The following FGFR1 variants were observed in gnomAD, a reference collection of about 807,000 sequenced individuals.
The protein encoded by FGFR1 is fibroblast growth factor receptor 1.
Under a neutral mutation model 93.7 loss-of-function variants are expected in FGFR1, and 18 were observed. That is an observed-to-expected ratio of 0.19 (90% CI 0.13 to 0.28). The LOEUF (loss-of-function observed/expected upper bound fraction) is 0.28. Ranked by LOEUF, FGFR1 falls within the 10% of genes least tolerant of loss-of-function variation. The probability of loss-of-function intolerance (pLI) is 1.00; values close to 1 mark genes in which losing one functional copy is unlikely to be tolerated. For synonymous variants in FGFR1, 448 were observed against 429.3 expected, an observed-to-expected ratio of 1.04 and a Z score of -0.54; for missense variants, 731 against 1,080.4, an observed-to-expected ratio of 0.68 and a Z score of 4.53.
At chr8:38,425,009 A>G (rs1586296277) in intron 6 of FGFR1, among the ~76,000 whole-genome samples, 1 of 152,174 alleles carries the variant, frequency 6.6e-6, no homozygotes, top group East Asian at 1.9e-4. Flanking sequence ...TCCTCCTTAA[A>G]AAACCAGAGT....
intron 6 of FGFR1, among the ~76,000 whole-genome samples, chr8:38,425,616 T>C (rs1820479549): frequency 6.6e-6 from 1 of 152,232 alleles, no homozygotes; most frequent in African/African-American, 2.4e-5. Flanking sequence ...AGAGGCTCAA[T>C]GTTCTTCCCA....
At position 38,415,956 on chromosome 8, in the gene FGFR1, T is replaced by C. The variant is rs1271149897; in HGVS notation, c.1768A>G (p.Asn590Asp). The C allele has an allele frequency of 4.3e-6, 7 of 1,613,940 alleles. No homozygotes were observed. Among genetic ancestry groups the C allele is most frequent in the Non-Finnish European group, 5.9e-6 (7 of 1,180,020 alleles). ...GLEYCYNPSHNPEEQLSSKDL... is the reference protein window; with the variant it reads ...GLEYCYNPSHDPEEQLSSKDL... ...TTGGAGGAGAGCTGCTCCTCTGGGTTGTGGCTGGGGTTGTAGCAGTATTCC... is the reference window on the plus strand; with the variant it reads ...TTGGAGGAGAGCTGCTCCTCTGGGTCGTGGCTGGGGTTGTAGCAGTATTCC... The change falls in exon 13 of 18, where the codon AAC (asparagine) becomes GAC (aspartate). Residue 590 changes from asparagine (N) to aspartate (D), a missense_variant. By Grantham distance (23) the Asn-to-Asp change is conservative. This residue lies in a region of FGFR1 where 39 missense variants were observed against 39.2 expected (regional missense o/e 1.00). Transcript: ENST00000447712.
chr8:38,425,225 C>T (rs1269926583), intron 6 of FGFR1, among the ~76,000 whole-genome samples: 1 of 152,002 alleles, frequency 6.6e-6, no homozygotes, highest in Non-Finnish European at 1.5e-5. Flanking sequence ...ACTGCAGCTT[C>T]GAATTCCTGG....
chr8:38,413,016 A>G lies in FGFR1; in HGVS notation c.*612T>C, dbSNP rs1287816573. On this transcript the variant is annotated 3_prime_UTR_variant, in exon 18 of 18. Coordinates refer to ENST00000447712, the MANE Select transcript of FGFR1 (RefSeq NM_023110.3). This position sits in a 1 kb window ranked among gnomAD's most constrained non-coding sequence, Gnocchi z 4.2. Reference sequence around the variant, plus strand: ...CTTCATAGCTATATACAGAGCCCCCAGTTTGGGGCTGGGCCCCAGGGCCAC... The same window carrying G: ...CTTCATAGCTATATACAGAGCCCCCGGTTTGGGGCTGGGCCCCAGGGCCAC... The G allele has an allele frequency of 4.2e-6, 1 of 235,352 alleles. No individual in the cohort carries two copies. The highest frequency in any genetic ancestry group is 8.4e-6 in the Non-Finnish European group (1 of 119,396). 14.6% of individuals were successfully genotyped at this position (235,352 alleles called of 1,614,324 possible).
At chr8:38,428,844 T>G (rs1668571106) in intron 3 of FGFR1, 1 of 310,382 alleles carries the variant, frequency 3.2e-6, no homozygotes, top group Non-Finnish European at 6.2e-6. Flanking sequence ...AGATGCTATT[T>G]CCAAAGGATG....
Position 38,433,601 on chromosome 8 carries a change from G to A in FGFR1, c.92-3653C>T, listed in dbSNP as rs542625957. Among the ~76,000 whole-genome samples, 32 of 152,192 alleles carry A rather than the reference G, an allele frequency of 2.1e-4. No individual in the cohort carries two copies. In the South Asian group the frequency reaches 6.4e-3, roughly 31 times the overall value. On this transcript the variant is annotated intron_variant, in intron 2 of 17. Coordinates refer to ENST00000447712, the MANE Select transcript of FGFR1 (RefSeq NM_023110.3). ...CAGTTAGCAAGTGCTGGGATTACAG[G>A]TGTGAGCCACCGCACCCAGCCAGAC...
In FGFR1 at chr8:38,421,778, G is replaced by A. The variant is rs1183334280; in HGVS notation, c.1081+19C>T. 6.2e-7 allele frequency: 1 copy of A among 1,613,628 alleles called. No individual in the cohort carries two copies. On this transcript the variant is annotated intron_variant, in intron 8 of 17. Transcript: ENST00000447712. ...CGTGGCGAGGGCAGGACATCGAGAG[G>A]AGAAGTTACAGTGTGTACCTTCCAG... is the stretch of plus-strand genomic sequence containing the variant.
chr8:38,454,373 T>G (rs557988750), intron 2 of FGFR1, among the ~76,000 whole-genome samples: 1 of 152,198 alleles, frequency 6.6e-6, no homozygotes, highest in Non-Finnish European at 1.5e-5. Context: ...ACTAGCTCCT[T>G]GCTACTCTTC....
At chr8:38,445,584 G>T (rs939198216) in intron 2 of FGFR1, among the ~76,000 whole-genome samples, 1 of 152,172 alleles carries the variant, frequency 6.6e-6, no homozygotes, top group Non-Finnish European at 1.5e-5. Context: ...TGTTGCCCAG[G>T]CTGGAGTGCA....
chr8:38,443,289 G>T (rs537609319), intron 2 of FGFR1, among the ~76,000 whole-genome samples: 1 of 152,134 alleles, frequency 6.6e-6, no homozygotes, highest in African/African-American at 2.4e-5. Context: ...TGATTTGGTC[G>T]TTACATAATG....
At chr8:38,416,524 C>T (rs1245501673) in intron 12 of FGFR1, among the ~76,000 whole-genome samples, 2 of 134,740 alleles carry the variant, frequency 1.5e-5, no homozygotes, top group Non-Finnish European at 3.0e-5. Flanking sequence ...GGCGCGATCT[C>T]GGCTAACCGC....
rs749500026 is a variant in FGFR1 at position 38,440,356 on chromosome 8, C to T, written c.92-10408G>A. On this transcript the variant is annotated intron_variant, in intron 2 of 17. Transcript: ENST00000447712. ...GTGCAGAAGCATCTCACCGAAATCCCGGGTCACAGCTGCCATCCTACAAGG... is the reference window on the plus strand; with the variant it reads ...GTGCAGAAGCATCTCACCGAAATCCTGGGTCACAGCTGCCATCCTACAAGG... 68 of 1,599,858 alleles carry T rather than the reference C, an allele frequency of 4.3e-5. No homozygotes were observed. In the African/African-American group the frequency reaches 5.5e-4, roughly 13 times the overall value.
rs2150646940 is a variant in FGFR1, at chr8:38,417,857, A to G, written c.1552+13T>C. 2 of 1,614,194 alleles carry G rather than the reference A, an allele frequency of 1.2e-6. No homozygotes were observed. The highest frequency in any genetic ancestry group is 1.7e-6 in the Non-Finnish European group (2 of 1,180,034). ...GACAAGATTTTCTTTGCAAGGACAG[A>G]AGCATCACTTACACTTCAACATCTT... On this transcript the variant is annotated intron_variant, in intron 11 of 17. Transcript: ENST00000447712.
At chr8:38,440,259 G>C in intron 2 of FGFR1, 22 of 1,552,686 alleles carry the variant, frequency 1.4e-5, no homozygotes, top group Non-Finnish European at 1.9e-5. Flanking sequence ...CTCTGCAGAG[G>C]TTTTTTTATT....
intron 1 of FGFR1, chr8:38,461,293 C>A: frequency 1.6e-6 from 1 of 614,154 alleles, no homozygotes; most frequent in East Asian, 2.8e-5. Flanking sequence ...TCTCCTTGTC[C>A]AAAAATTATG....
intron 2 of FGFR1, chr8:38,435,393 C>G (rs919762741): frequency 6.6e-6 from 1 of 152,184 alleles, no homozygotes; most frequent in Admixed American, 6.5e-5. Context: ...TTTTCCACGG[C>G]TAGGAGTGCT....
intron 2 of FGFR1, among the ~76,000 whole-genome samples, chr8:38,439,393 C>CGAGCCCCT (rs1563554777): frequency 6.6e-6 from 1 of 152,184 alleles, no homozygotes; most frequent in African/African-American, 2.4e-5. Context: ...CTTCTCTTCT[C>CGAGCCCCT]GAGCCCCTCA....
rs1202032631 is a variant in FGFR1 at position 38,444,850 on chromosome 8, T to C, written c.91+12506A>G. ...AAAGTCAGTATTCCCCATGTCCTAC[T>C]AGAAGAGAGAGAGTATACTTTGAGG... On this transcript the variant is annotated intron_variant, in intron 2 of 17. Coordinates refer to ENST00000447712, the MANE Select transcript of FGFR1 (RefSeq NM_023110.3). Among the ~76,000 whole-genome samples the C allele has an allele frequency of 3.9e-5, 6 of 152,154 alleles. No homozygotes were observed. In the East Asian group the frequency reaches 9.6e-4, roughly 24 times the overall value.
intron 2 of FGFR1, among the ~76,000 whole-genome samples, chr8:38,449,390 T>G (rs1368709446): frequency 1.3e-5 from 2 of 152,132 alleles, no homozygotes; most frequent in East Asian, 3.9e-4. Context: ...AATAAATGAA[T>G]GAGTGAAAAA....
Sources: allele counts gnomAD v4.1 joint callset (sites outside exome capture counted in the v4.1 genomes callset), GRCh38; gene constraint gnomAD v4.1.1; regional missense constraint gnomAD v4.1.1; non-coding constraint Gnocchi (gnomAD v3.1); transcripts MANE v1.5; gene names NCBI Gene and HGNC (gene_info 2026-07-23, HGNC 2026-07-21).